The following SUFU variants were observed in gnomAD, a reference collection of about 807,000 sequenced individuals.
The protein encoded by SUFU is SUFU negative regulator of hedgehog signaling.
In SUFU, 7 loss-of-function variants were observed where a neutral mutation model predicts 58.9. The observed-to-expected ratio is 0.12, with a 90% CI of 0.07 to 0.22. The LOEUF (loss-of-function observed/expected upper bound fraction) is 0.22, where lower values mean the gene tolerates loss of function less well. Ranked by LOEUF, SUFU falls within the 10% of genes least tolerant of loss-of-function variation. The probability of loss-of-function intolerance (pLI) is 1.00; values close to 1 mark genes in which losing one functional copy is unlikely to be tolerated. For missense variants in SUFU, 451 were observed against 641.3 expected (o/e 0.70, Z 3.20); for synonymous variants, 232 against 254.8 (o/e 0.91, Z 0.85).
intron 3 of SUFU, among the ~76,000 whole-genome samples, chr10:102,558,588 C>T (rs2063004911): frequency 6.6e-6 from 1 of 152,202 alleles, no homozygotes; most frequent in Non-Finnish European, 1.5e-5. Flanking sequence ...ATGTGACCAC[C>T]TTGGTTGGTG....
At chr10:102,544,326 CCT>C (rs2062832725) in intron 2 of SUFU, among the ~76,000 whole-genome samples, 1 of 152,126 alleles carries the variant, frequency 6.6e-6, no homozygotes, top group Admixed American at 6.5e-5. Context: ...TGAAATTCAC[CCT>C]GTTAAAGTGT....
At position 102,594,179 on chromosome 10, in the gene SUFU, T is replaced by A; in HGVS notation, c.756+114T>A. 9 of 1,052,946 alleles carry A rather than the reference T, an allele frequency of 8.5e-6. No individual in the cohort carries two copies. In the South Asian group the frequency reaches 1.2e-4, roughly 14 times the overall value. 65.2% of individuals were successfully genotyped at this position (1,052,946 alleles called of 1,614,324 possible). ...ACCTTTATGTGTGAGTGAGTAGAAA[T>A]ATGGCATCACTTGGAACTTGTCCCC... On this transcript the variant is annotated intron_variant, in intron 6 of 11. Coordinates refer to ENST00000369902, the MANE Select transcript of SUFU (RefSeq NM_016169.4).
intron 8 of SUFU, among the ~76,000 whole-genome samples, chr10:102,614,287 G>T (rs2063658653): frequency 6.6e-6 from 1 of 152,220 alleles, no homozygotes; most frequent in Non-Finnish European, 1.5e-5. Context: ...CAGGCACGGT[G>T]GCTCATGCCT....
chr10:102,609,370 T>C (rs1771873220), intron 8 of SUFU, among the ~76,000 whole-genome samples: 1 of 152,162 alleles, frequency 6.6e-6, no homozygotes. Context: ...CTGTAGAGAA[T>C]ACTTCACACA....
intron 3 of SUFU, among the ~76,000 whole-genome samples, chr10:102,571,613 CT>C (rs1360614592): frequency 6.6e-6 from 1 of 152,218 alleles, no homozygotes; most frequent in African/African-American, 2.4e-5. Flanking sequence ...TCATTTGAAC[CT>C]GGGAGACAGA....
chr10:102,517,312 AC>A (rs1449776269), intron 2 of SUFU, among the ~76,000 whole-genome samples: 9 of 152,066 alleles, frequency 5.9e-5, no homozygotes, highest in African/African-American at 2.2e-4. Flanking sequence ...AGCAAAACAA[AC>A]AAACAAAAAG....
chr10:102,615,244 C>G (rs770276474), intron 8 of SUFU, 24 bp from the exon 9 acceptor site: 10 of 1,613,998 alleles, frequency 6.2e-6, no homozygotes, highest in Non-Finnish European at 8.5e-6. Context: ...TTGTGCCGAA[C>G]CTTTTCCTGT....
At chr10:102,551,175 A>G (rs903482467) in intron 3 of SUFU, among the ~76,000 whole-genome samples, 1 of 152,196 alleles carries the variant, frequency 6.6e-6, no homozygotes, top group African/African-American at 2.4e-5. Context: ...ATCCATAACT[A>G]CCACCTACCA....
At chr10:102,532,750 G>T (rs1001698764) in intron 2 of SUFU, among the ~76,000 whole-genome samples, 2 of 152,166 alleles carry the variant, frequency 1.3e-5, no homozygotes. Context: ...CCACAGATCT[G>T]CCAGTCCATT....
chr10:102,605,376 A>T (rs2063553680), intron 8 of SUFU, among the ~76,000 whole-genome samples: 2 of 152,142 alleles, frequency 1.3e-5, no homozygotes. Flanking sequence ...GTGTGGTGGC[A>T]CATGCCTGTA....
intron 11 of SUFU, 113 bp downstream of exon 11, chr10:102,627,356 G>T: frequency 1.0e-6 from 1 of 988,464 alleles, no homozygotes; most frequent in Non-Finnish European, 1.6e-6. Flanking sequence ...GTGCGTGTGT[G>T]CTTGCATGTA....
intron 8 of SUFU, among the ~76,000 whole-genome samples, chr10:102,604,753 G>A (rs964370600): frequency 2.6e-5 from 4 of 152,038 alleles, no homozygotes; most frequent in African/African-American, 9.7e-5. Context: ...GGGTAGGGCT[G>A]GGGATGGCGG....
intron 2 of SUFU, among the ~76,000 whole-genome samples, chr10:102,527,498 GAT>G (rs60387903): frequency 8.8e-5 from 13 of 148,254 alleles, no homozygotes; most frequent in East Asian, 5.9e-4. Context: ...ATACCATTAA[GAT>G]ATATATATAT....
intron 3 of SUFU, among the ~76,000 whole-genome samples, chr10:102,555,288 A>C (rs1282554415): frequency 5.1e-4 from 77 of 151,150 alleles, no homozygotes; most frequent in African/African-American, 1.8e-3. Flanking sequence ...AAAAAAAAAA[A>C]AACTTTATAT....
intron 2 of SUFU, among the ~76,000 whole-genome samples, chr10:102,538,872 C>T (rs900157267): frequency 6.6e-6 from 1 of 152,204 alleles, no homozygotes; most frequent in African/African-American, 2.4e-5. Flanking sequence ...CCAAGGGTCA[C>T]ACAGCCAGGA....
chr10:102,509,225 C>T lies in SUFU; in HGVS notation c.239C>T (p.Pro80Leu). 1 of 1,614,210 alleles carries T rather than the reference C, an allele frequency of 6.2e-7. No individual in the cohort carries two copies. Among genetic ancestry groups the T allele is most frequent in the South Asian group, 1.1e-5 (1 of 91,092 alleles). The change falls in exon 2 of 12, where the codon CCT becomes CTT. Residue 80 changes from proline to leucine, a missense_variant. Coordinates refer to ENST00000369902, the MANE Select transcript of SUFU (RefSeq NM_016169.4). ...AGCATGTACAGGAATGTGGGGAGCC[C>T]TTCTGCTAACATCCCCGAGCACTGG... is the stretch of plus-strand genomic sequence containing the variant. The part of the protein sequence containing the change: ...YVSMYRNVGS[P>L]SANIPEHWHY...
chr10:102,558,053 A>G (rs2062999290), intron 3 of SUFU, among the ~76,000 whole-genome samples: 1 of 151,434 alleles, frequency 6.6e-6, no homozygotes, highest in Non-Finnish European at 1.5e-5. Context: ...GCATGCACCA[A>G]CATGCCTGGC....
At chr10:102,525,409 C>G (rs1202068709) in intron 2 of SUFU, among the ~76,000 whole-genome samples, 3 of 152,182 alleles carry the variant, frequency 2.0e-5, no homozygotes, top group African/African-American at 7.2e-5. Flanking sequence ...CGTATCTGGC[C>G]TGAACCTTGC....
chr10:102,509,716 C>T (rs562539730), intron 2 of SUFU, among the ~76,000 whole-genome samples: 1 of 152,340 alleles, frequency 6.6e-6, no homozygotes, highest in African/African-American at 2.4e-5. Flanking sequence ...CCAGATTCTA[C>T]TGTTAACTTT....
Sources: gnomAD v4.1 joint callset for allele counts (sites outside exome capture counted in the v4.1 genomes callset) on GRCh38, gnomAD v4.1.1 for gene constraint, MANE v1.5 for transcripts, NCBI Gene and HGNC (gene_info 2026-07-23, HGNC 2026-07-21) for gene names.